Variants in RARB observed in about 807,000 individuals in gnomAD.
RARB encodes HBV-activated protein.
RARB carries 17 observed loss-of-function variants against 51.9 expected under a neutral mutation model. The ratio of observed to expected loss-of-function variants is 0.33; its 90% CI spans 0.22 to 0.49. The LOEUF (loss-of-function observed/expected upper bound fraction) is 0.49, where lower values mean the gene tolerates loss of function less well. Among genes scored for constraint, RARB ranks in the 20% least tolerant of loss-of-function variants. RARB has a pLI of 0.99. For missense variants in RARB, 369 were observed against 550.8 expected (o/e 0.67, Z 3.30); for synonymous variants, 215 against 195.4 (o/e 1.10, Z -0.84).
intron 5 of RARB, among the ~76,000 whole-genome samples, chr3:25,285,612 A>C (rs1198355666): frequency 3.9e-5 from 6 of 152,174 alleles, no homozygotes; most frequent in Non-Finnish European, 8.8e-5. Flanking sequence ...TATACTACTA[A>C]GGTGATGACC....
intron 5 of RARB, among the ~76,000 whole-genome samples, chr3:25,204,879 C>A (rs1316987564): frequency 2.6e-5 from 4 of 151,840 alleles, no homozygotes; most frequent in Non-Finnish European, 5.9e-5. Flanking sequence ...GTCAGGGACC[C>A]ACTTGAGGAG....
chr3:25,401,925 C>T (rs538248671), intron 5 of RARB, among the ~76,000 whole-genome samples: 93 of 152,100 alleles, frequency 6.1e-4, no homozygotes, highest in African/African-American at 2.0e-3. Flanking sequence ...TATAGGTGTG[C>T]GCCACCAAGC....
chr3:25,094,740 A>AAG (rs1699263112), intron 3 of RARB, among the ~76,000 whole-genome samples: 2 of 149,966 alleles, frequency 1.3e-5, no homozygotes, highest in Non-Finnish European at 3.0e-5. Context: ...AAAAAAAAAA[A>AAG]AGGAAACTGC....
At chr3:25,250,562 C>T (rs931819139) in intron 5 of RARB, among the ~76,000 whole-genome samples, 2 of 152,104 alleles carry the variant, frequency 1.3e-5, no homozygotes, top group Non-Finnish European at 2.9e-5. Flanking sequence ...ATTGTGGGGT[C>T]ACTGACAGTG....
chr3:25,501,215 A>T lies in RARB; in HGVS notation c.340A>T (p.Ile114Phe), dbSNP rs753284797. 1.2e-6 allele frequency: 2 copies of T among 1,607,772 alleles called. No individual in the cohort carries two copies. The highest frequency in any genetic ancestry group is 1.7e-6 in the Non-Finnish European group (2 of 1,178,366). The change falls in exon 3 of 8, where the codon ATT becomes TTT. Residue 114 changes from isoleucine (I) to phenylalanine (F), a missense_variant. Ile to Phe is a conservative substitution (Grantham distance 21, BLOSUM62 0). Around this residue, in one of 9 missense-constraint regions of RARB, gnomAD observed 26 missense variants for 28.8 expected, o/e 0.90. Transcript: ENST00000330688. ...FFRRSIQKNM[I>F]YTCHRDKNCV... ...CCGCAGAAGTATTCAGAAGAATATG[A>T]TTTACACTTGTCACCGAGATAAGAA... is the stretch of plus-strand genomic sequence containing the variant.
chr3:24,986,089 C>A (rs181485589), intron 2 of RARB, among the ~76,000 whole-genome samples: 146 of 152,230 alleles, frequency 9.6e-4, no homozygotes, highest in Non-Finnish European at 1.6e-3. Context: ...TGGTGACAAG[C>A]TGGTTTTAAG....
At chr3:25,369,772 A>G (rs1706242666) in intron 5 of RARB, among the ~76,000 whole-genome samples, 1 of 152,148 alleles carries the variant, frequency 6.6e-6, no homozygotes, top group Admixed American at 6.5e-5. Flanking sequence ...AAAATACAAC[A>G]TTAGCCTGGC....
intron 2 of RARB, among the ~76,000 whole-genome samples, chr3:25,497,804 A>G (rs956340640): frequency 6.6e-6 from 1 of 152,190 alleles, no homozygotes; most frequent in Non-Finnish European, 1.5e-5. Flanking sequence ...TCTTCTCCAG[A>G]TGTGTCTAAC....
intron 2 of RARB, among the ~76,000 whole-genome samples, chr3:24,868,102 A>G (rs1702883741): frequency 1.3e-5 from 2 of 152,116 alleles, no homozygotes; most frequent in African/African-American, 4.8e-5. Context: ...AATTACAATA[A>G]TTTTCCTGGG....
intron 4 of RARB, among the ~76,000 whole-genome samples, chr3:25,579,987 T>G (rs1409075973): frequency 1.3e-5 from 2 of 152,240 alleles, no homozygotes; most frequent in African/African-American, 2.4e-5. Context: ...ATTCCTTTCT[T>G]GTTTGTTAGC....
intron 5 of RARB, among the ~76,000 whole-genome samples, chr3:25,362,240 C>A (rs1279678758): frequency 6.6e-6 from 1 of 152,180 alleles, no homozygotes; most frequent in African/African-American, 2.4e-5. Context: ...TACCAAGCTG[C>A]AGTCGGCTCT....
chr3:25,435,821 C>T (rs1331526256), intron 1 of RARB, among the ~76,000 whole-genome samples: 2 of 152,142 alleles, frequency 1.3e-5, no homozygotes, highest in African/African-American at 4.8e-5. Flanking sequence ...GCACTGGTTA[C>T]AGTTTAATGA....
At chr3:25,252,177 T>C (rs1019917454) in intron 5 of RARB, among the ~76,000 whole-genome samples, 1 of 152,172 alleles carries the variant, frequency 6.6e-6, no homozygotes, top group Non-Finnish European at 1.5e-5. Context: ...GAGGTATAAG[T>C]GCTTACTTCT....
At chr3:25,035,577 A>G (rs1697975085) in intron 2 of RARB, among the ~76,000 whole-genome samples, 1 of 152,164 alleles carries the variant, frequency 6.6e-6, no homozygotes. Context: ...ATCTCTTAGA[A>G]CTTGAGAGCC....
At chr3:25,210,615 A>G (rs1451634572) in intron 5 of RARB, among the ~76,000 whole-genome samples, 1 of 136,522 alleles carries the variant, frequency 7.3e-6, no homozygotes, top group Non-Finnish European at 1.5e-5. Context: ...GGCTCACTGC[A>G]TCCTCCACCT....
At chr3:25,269,485 G>A (rs879296990) in intron 5 of RARB, among the ~76,000 whole-genome samples, 1 of 152,094 alleles carries the variant, frequency 6.6e-6, no homozygotes, top group Non-Finnish European at 1.5e-5. Flanking sequence ...ACTTTAGCTT[G>A]TTTATACTTC....
intron 2 of RARB, among the ~76,000 whole-genome samples, chr3:25,482,521 A>ATTTTTTTTTTTTTTTTTTTTTTTTTT (rs71087718): frequency 1.5e-5 from 1 of 65,752 alleles, no homozygotes; most frequent in Admixed American, 2.7e-4. Flanking sequence ...TAGCAGCCAA[A>ATTTTTTTTTTTTTTTTTTTTTTTTTT]TTTTTTTTTT....
At chr3:25,386,202 T>C (rs1272447349) in intron 5 of RARB, among the ~76,000 whole-genome samples, 1 of 151,666 alleles carries the variant, frequency 6.6e-6, no homozygotes, top group Non-Finnish European at 1.5e-5. Flanking sequence ...GAAGGCTTCC[T>C]GGGGAAAGGA....
chr3:25,513,224 T>A (rs1035215169), intron 3 of RARB, among the ~76,000 whole-genome samples: 2 of 150,304 alleles, frequency 1.3e-5, no homozygotes, highest in Non-Finnish European at 3.0e-5. Context: ...GAGGCGGAGG[T>A]TGCAGTGAGC....
Sources: allele counts gnomAD v4.1 joint callset (sites outside exome capture counted in the v4.1 genomes callset), GRCh38; gene constraint gnomAD v4.1.1; regional missense constraint gnomAD v4.1.1; transcripts MANE v1.5; gene names NCBI Gene and HGNC (gene_info 2026-07-23, HGNC 2026-07-21).